Variants in LRRC4C observed in about 807,000 individuals in gnomAD.
The protein encoded by LRRC4C is leucine rich repeat containing 4C.
In LRRC4C, 5 loss-of-function variants were observed where a neutral mutation model predicts 33.6. That is an observed-to-expected ratio of 0.15 (90% CI 0.08 to 0.31). The LOEUF (loss-of-function observed/expected upper bound fraction) is 0.31, where lower values mean the gene tolerates loss of function less well. LRRC4C is among the 10% of genes least tolerant of loss of function. The pLI, the probability that LRRC4C is intolerant of heterozygous loss-of-function variation, is 1.00. For synonymous variants in LRRC4C, 329 were observed against 302.0 expected, an observed-to-expected ratio of 1.09 and a Z score of -0.93; for missense variants, 560 against 796.7, an observed-to-expected ratio of 0.70 and a Z score of 3.58.
chr11:41,265,871 C>CT (rs746596484), intron 1 of LRRC4C, among the ~76,000 whole-genome samples: 1,256 of 69,870 alleles, frequency 0.018, 8 homozygotes, highest in African/African-American at 0.026. Context: ...TGGGTCTTTT[C>CT]TTTTTTTAAA....
intron 1 of LRRC4C, among the ~76,000 whole-genome samples, chr11:40,964,262 T>A (rs1244008301): frequency 1.3e-5 from 2 of 151,564 alleles, no homozygotes. Context: ...GACATCACGC[T>A]GAAAAGCTGC....
chr11:40,831,805 A>T (rs1591829250), intron 2 of LRRC4C, among the ~76,000 whole-genome samples: 1 of 152,154 alleles, frequency 6.6e-6, no homozygotes, highest in East Asian at 1.9e-4. Context: ...TATATTCACT[A>T]TCACAAGAAC....
At chr11:40,434,050 T>G (rs1409402345) in intron 3 of LRRC4C, among the ~76,000 whole-genome samples, 1 of 152,180 alleles carries the variant, frequency 6.6e-6, no homozygotes, top group Non-Finnish European at 1.5e-5. Flanking sequence ...TCTTTTCTTA[T>G]TTTTAAAATT....
chr11:40,465,347 T>A (rs976811346), intron 3 of LRRC4C, among the ~76,000 whole-genome samples: 3 of 151,986 alleles, frequency 2.0e-5, no homozygotes, highest in African/African-American at 7.2e-5. Context: ...GACCTGAAAC[T>A]GTTAAAATTA....
intron 2 of LRRC4C, among the ~76,000 whole-genome samples, chr11:40,884,292 T>A (rs774285545): frequency 4.6e-5 from 7 of 152,276 alleles, no homozygotes; most frequent in Non-Finnish European, 1.0e-4. Context: ...ATGTGCTACA[T>A]TTTCTTTATC....
chr11:41,336,061 C>T (rs1270282327), intron 1 of LRRC4C, among the ~76,000 whole-genome samples: 2 of 152,182 alleles, frequency 1.3e-5, no homozygotes, highest in African/African-American at 2.4e-5. Context: ...TGGCATCCCT[C>T]AGGCTTTGCC....
chr11:41,448,147 C>CTTTTTTTTTTTTTT (rs1955895977), intron 1 of LRRC4C, among the ~76,000 whole-genome samples: 1 of 23,610 alleles, frequency 4.2e-5, no homozygotes, highest in Non-Finnish European at 9.7e-5. Flanking sequence ...TTTTTTGGAG[C>CTTTTTTTTTTTTTT]TTTACTTCAT....
chr11:41,075,209 T>C (rs1939059469), intron 1 of LRRC4C, among the ~76,000 whole-genome samples: 1 of 152,042 alleles, frequency 6.6e-6, no homozygotes. Context: ...GGCTGTTCTC[T>C]TCTGAGTTCC....
intron 1 of LRRC4C, among the ~76,000 whole-genome samples, chr11:41,077,945 T>C (rs1444702914): frequency 6.6e-6 from 1 of 152,300 alleles, no homozygotes; most frequent in Middle Eastern, 3.4e-3. Flanking sequence ...TGCTTAGAAA[T>C]TTCTTCAACC....
At chr11:40,517,405 T>C (rs1023819014) in intron 3 of LRRC4C, among the ~76,000 whole-genome samples, 3 of 152,118 alleles carry the variant, frequency 2.0e-5, no homozygotes, top group Non-Finnish European at 2.9e-5. Context: ...TAATTTGGAA[T>C]GTTTAGAAAC....
intron 3 of LRRC4C, among the ~76,000 whole-genome samples, chr11:40,640,898 C>T (rs926410674): frequency 1.9e-4 from 29 of 151,788 alleles, no homozygotes; most frequent in African/African-American, 6.5e-4. Flanking sequence ...CGCCTGTAGT[C>T]CCAGCTACTC....
At chr11:40,374,281 T>G (rs1295747352) in intron 3 of LRRC4C, among the ~76,000 whole-genome samples, 1 of 152,172 alleles carries the variant, frequency 6.6e-6, no homozygotes, top group African/African-American at 2.4e-5. Flanking sequence ...TTACCTTCCC[T>G]GATCCTCCTG....
intron 1 of LRRC4C, among the ~76,000 whole-genome samples, chr11:40,953,436 AG>A (rs1277732661): frequency 1.3e-5 from 2 of 151,834 alleles, no homozygotes; most frequent in Non-Finnish European, 2.9e-5. Context: ...AATTCATAAC[AG>A]TCTCCACCTT....
At chr11:40,124,771 CAAT>C (rs1449110435) in intron 6 of LRRC4C, among the ~76,000 whole-genome samples, 2 of 151,894 alleles carry the variant, frequency 1.3e-5, no homozygotes, top group Non-Finnish European at 2.9e-5. Context: ...CTACAGTCAA[CAAT>C]AATTTACTGT....
intron 2 of LRRC4C, among the ~76,000 whole-genome samples, chr11:40,874,000 G>A (rs1000208864): frequency 6.6e-6 from 1 of 152,142 alleles, no homozygotes; most frequent in African/African-American, 2.4e-5. Flanking sequence ...GCACAATGTT[G>A]TGTACCATTT....
chr11:41,117,427 T>C (rs1374064576), intron 1 of LRRC4C, among the ~76,000 whole-genome samples: 1 of 152,166 alleles, frequency 6.6e-6, no homozygotes, highest in East Asian at 1.9e-4. Context: ...TTTTATGATA[T>C]AATATTACGT....
At chr11:40,812,310 G>A (rs1325128423) in intron 2 of LRRC4C, among the ~76,000 whole-genome samples, 3 of 134,778 alleles carry the variant, frequency 2.2e-5, no homozygotes, top group African/African-American at 9.1e-5. Flanking sequence ...TTAGGCCTCT[G>A]ACTGATACAC....
intron 1 of LRRC4C, among the ~76,000 whole-genome samples, chr11:41,089,418 G>C (rs1940238145): frequency 6.6e-6 from 1 of 152,012 alleles, no homozygotes; most frequent in African/African-American, 2.4e-5. Flanking sequence ...TCCAGGTAAT[G>C]ACTGGAGAGT....
At chr11:41,050,880 T>C (rs1858157188) in intron 1 of LRRC4C, among the ~76,000 whole-genome samples, 1 of 152,142 alleles carries the variant, frequency 6.6e-6, no homozygotes, top group Non-Finnish European at 1.5e-5. Context: ...TTCTAGAGGT[T>C]TTCATTGCTG....
Sources: gnomAD v4.1 joint callset for allele counts (sites outside exome capture counted in the v4.1 genomes callset) on GRCh38, gnomAD v4.1.1 for gene constraint, MANE v1.5 for transcripts, NCBI Gene and HGNC (gene_info 2026-07-23, HGNC 2026-07-21) for gene names.